USP24: variants seen among roughly 807,000 people sequenced by gnomAD.
USP24 encodes the protein ubiquitin specific peptidase 24.
In USP24, 97 loss-of-function variants were observed where a neutral mutation model predicts 361.6. The observed-to-expected ratio is 0.27, with a 90% CI of 0.23 to 0.32. The LOEUF (loss-of-function observed/expected upper bound fraction) is 0.32, where lower values mean the gene tolerates loss of function less well. Ranked by LOEUF, USP24 falls within the 10% of genes least tolerant of loss-of-function variation. USP24 has a pLI of 1.00. For missense variants in USP24, 2,353 were observed against 3,165.6 expected, an observed-to-expected ratio of 0.74 and a Z score of 6.16; for synonymous variants, 1,098 against 1,124.6, an observed-to-expected ratio of 0.98 and a Z score of 0.47.
Position 55,184,665 on chromosome 1 carries a change from G to A in USP24, c.325-6533C>T, listed in dbSNP as rs1644077017. ...CAAGTGCGCATGAAATATTCTCCAA[G>A]ATAGAGCATATGTTAGGTTGTAAAA... On this transcript the variant is annotated intron_variant, in intron 1 of 67. Transcript: ENST00000294383. 2.0e-5 allele frequency among the ~76,000 whole-genome samples: 3 copies of A among 152,252 alleles called. No individual in the cohort carries two copies. The South Asian group carries it at 6.2e-4, about 32-fold the overall frequency.
intron 64 of USP24, 89 bp downstream of exon 64, chr1:55,073,739 A>G: frequency 7.9e-7 from 1 of 1,264,884 alleles, no homozygotes; most frequent in South Asian, 1.3e-5. Flanking sequence ...TTCTCCAGGT[A>G]TCAAAACCGG....
At chr1:55,079,796 G>T in intron 59 of USP24, 137 bp from the exon 60 acceptor site, 1 of 1,169,810 alleles carries the variant, frequency 8.5e-7, no homozygotes, top group Non-Finnish European at 1.1e-6. Flanking sequence ...CACACACTGA[G>T]TACTCACACA....
chr1:55,164,331 G>A (rs1648600316), intron 7 of USP24, among the ~76,000 whole-genome samples: 2 of 152,008 alleles, frequency 1.3e-5, no homozygotes, highest in East Asian at 3.9e-4. Context: ...TATGTGTGTG[G>A]GGATCAGGAA....
In USP24 at chr1:55,171,632, A is replaced by C. The variant is rs1418141385; in HGVS notation, c.749T>G (p.Val250Gly). 6.2e-6 allele frequency: 10 copies of C among 1,608,340 alleles called. No homozygotes were observed. The highest frequency in any genetic ancestry group is 8.5e-6 in the Non-Finnish European group (10 of 1,176,916). Reference protein sequence around the residue: ...NEYHFKNRMKVSQRNWAEVFG... With the variant: ...NEYHFKNRMKGSQRNWAEVFG... ...CACTTCTGCCCAATTCCTTTGAGACACTTTCATTCTGTTTTTAAAATGGTA... is the reference window on the plus strand; with the variant it reads ...CACTTCTGCCCAATTCCTTTGAGACCCTTTCATTCTGTTTTTAAAATGGTA... Residue 250 changes from valine (V) to glycine (G), a missense_variant, in exon 5 of 68, where the codon GTG becomes GGG. By Grantham distance (109) the Val-to-Gly change is moderately radical (BLOSUM62 -3). Coordinates refer to ENST00000294383, the MANE Select transcript of USP24 (RefSeq NM_015306.3).
At chr1:55,119,600 C>CA (rs1360708860) in intron 38 of USP24, among the ~76,000 whole-genome samples, 1 of 151,508 alleles carries the variant, frequency 6.6e-6, no homozygotes, top group African/African-American at 2.4e-5. Flanking sequence ...TTTGGCAATT[C>CA]AAAAAAAATC....
chr1:55,206,716 G>GA (rs1644716881), intron 1 of USP24, among the ~76,000 whole-genome samples: 1 of 148,592 alleles, frequency 6.7e-6, no homozygotes, highest in South Asian at 2.1e-4. Context: ...GTAACAGTGA[G>GA]GATAGAGGGA....
chr1:55,168,103 G>C (rs924236307), intron 5 of USP24, among the ~76,000 whole-genome samples: 1 of 152,144 alleles, frequency 6.6e-6, no homozygotes, highest in Non-Finnish European at 1.5e-5. Context: ...GAGGAAACAT[G>C]GCTTGGGGGC....
At chr1:55,101,812 A>G in intron 42 of USP24, 109 bp from the exon 43 acceptor site, 1 of 1,357,160 alleles carries the variant, frequency 7.4e-7, no homozygotes, top group Non-Finnish European at 9.7e-7. Flanking sequence ...TTACCCATCC[A>G]GCATGTTATG....
At chr1:55,080,553 C>T (rs76602254) in intron 59 of USP24, among the ~76,000 whole-genome samples, 1,954 of 152,100 alleles carry the variant, frequency 0.013, 38 homozygotes, top group African/African-American at 0.044. Flanking sequence ...AGGTTTGTTA[C>T]GGGGATCAAA....
intron 1 of USP24, among the ~76,000 whole-genome samples, chr1:55,194,974 C>T (rs551698198): frequency 2.1e-4 from 32 of 152,162 alleles, no homozygotes; most frequent in African/African-American, 6.3e-4. Flanking sequence ...TCACCACTCC[C>T]GTGCCCCCTC....
At chr1:55,099,489 T>C (rs969714521) in intron 45 of USP24, among the ~76,000 whole-genome samples, 6 of 151,848 alleles carry the variant, frequency 4.0e-5, no homozygotes, top group Non-Finnish European at 2.9e-5. Context: ...ACCTGGAAGG[T>C]AGAGGTTGCA....
intron 8 of USP24, 50 bp downstream of exon 8, chr1:55,162,149 G>A: frequency 6.6e-7 from 1 of 1,522,090 alleles, no homozygotes; most frequent in Non-Finnish European, 8.9e-7. Context: ...AGTTATTACT[G>A]TTTGCATGTC....
At chr1:55,204,854 T>G (rs1019131720) in intron 1 of USP24, among the ~76,000 whole-genome samples, 2 of 152,240 alleles carry the variant, frequency 1.3e-5, no homozygotes, top group African/African-American at 4.8e-5. Context: ...TTCAGTATAA[T>G]GCCTATTCTT....
chr1:55,181,376 T>C (rs1274804384), intron 1 of USP24, among the ~76,000 whole-genome samples: 1 of 152,188 alleles, frequency 6.6e-6, no homozygotes, highest in Non-Finnish European at 1.5e-5. Context: ...ACGCTTAGAA[T>C]CACAATGCAT....
intron 63 of USP24, among the ~76,000 whole-genome samples, chr1:55,074,434 G>A (rs1644982636): frequency 6.6e-6 from 1 of 152,040 alleles, no homozygotes; most frequent in South Asian, 2.1e-4. Flanking sequence ...AGGAGTTTGA[G>A]ACCAGCCTGA....
chr1:55,212,287 T>C (rs1223125794), intron 1 of USP24, among the ~76,000 whole-genome samples: 2 of 152,254 alleles, frequency 1.3e-5, no homozygotes, highest in South Asian at 2.1e-4. Flanking sequence ...CCTTAAAATA[T>C]GTCTTTCCCT....
At chr1:55,166,116 T>C (rs1293696159) in intron 6 of USP24, among the ~76,000 whole-genome samples, 166 bp from the exon 7 acceptor site, 1 of 151,628 alleles carries the variant, frequency 6.6e-6, no homozygotes, top group East Asian at 1.9e-4. Flanking sequence ...GGGGTTTCCA[T>C]CCCCTCAAGC....
Position 55,075,505 on chromosome 1 carries a change from G to A in USP24, c.7399C>T (p.Gln2467Ter). 1 of 1,600,420 alleles carries A rather than the reference G, an allele frequency of 6.2e-7. No homozygotes were observed. Among genetic ancestry groups the A allele is most frequent in the South Asian group, 1.1e-5 (1 of 87,888 alleles). The change falls in exon 63 of 68, where the codon CAA becomes TAA. Residue 2467 changes from glutamine (Q) to a stop codon, truncating the protein, a stop_gained. Coordinates refer to ENST00000294383, the MANE Select transcript of USP24 (RefSeq NM_015306.3). LOFTEE classifies it high-confidence loss of function. ...AACACAAATTTGACTCGCTCTACTTGTATAGGATCTTCAATAACCTGGGAA... is the reference window on the plus strand; with the variant it reads ...AACACAAATTTGACTCGCTCTACTTATATAGGATCTTCAATAACCTGGGAA... ...HEILVIEDPI[Q>*]VERVKFVFET...
chr1:55,135,553 G>A lies in USP24; in HGVS notation c.3202-1140C>T, dbSNP rs546012086. Among the ~76,000 whole-genome samples, 5 of 152,242 alleles carry A rather than the reference G, an allele frequency of 3.3e-5. No homozygotes were observed. The South Asian group carries it at 1.0e-3, about 32-fold the overall frequency. ...TGAAACATAAATGAATTTAGTGTTT[G>A]GATTTGGGTCCCATCCTCAAGATAT... On this transcript the variant is annotated intron_variant, in intron 28 of 67. Coordinates refer to ENST00000294383, the MANE Select transcript of USP24 (RefSeq NM_015306.3).
Sources: gnomAD v4.1 joint callset for allele counts (sites outside exome capture counted in the v4.1 genomes callset) on GRCh38, gnomAD v4.1.1 for gene constraint, MANE v1.5 for transcripts, NCBI Gene and HGNC (gene_info 2026-07-23, HGNC 2026-07-21) for gene names.